ADAMTS20: variants seen among roughly 807,000 people sequenced by gnomAD.
ADAMTS20 encodes ADAM metallopeptidase with thrombospondin type 1 motif 20.
Under a neutral mutation model 260.1 loss-of-function variants are expected in ADAMTS20, and 225 were observed. The ratio of observed to expected loss-of-function variants is 0.87; its 90% confidence interval spans 0.78 to 0.97. The LOEUF (loss-of-function observed/expected upper bound fraction) is 0.97, where lower values mean the gene tolerates loss of function less well. Ranked by LOEUF, ADAMTS20 falls within the 50% of genes least tolerant of loss-of-function variation. The pLI is 0.00. For missense variants in ADAMTS20, 2,400 were observed against 2,337.7 expected, an observed-to-expected ratio of 1.03 and a Z score of -0.55; for synonymous variants, 802 against 769.5, an observed-to-expected ratio of 1.04 and a Z score of -0.70.
At chr12:43,525,507 C>A (rs1943129252) in intron 3 of ADAMTS20, among the ~76,000 whole-genome samples, 1 of 152,248 alleles carries the variant, frequency 6.6e-6, no homozygotes, top group African/African-American at 2.4e-5. Context: ...ATGAATGGAA[C>A]AGTATCTCAC....
At chr12:43,502,446 G>C in intron 3 of ADAMTS20, 41 bp from the exon 4 acceptor site, 1 of 1,545,834 alleles carries the variant, frequency 6.5e-7, no homozygotes, top group Non-Finnish European at 8.6e-7. Context: ...CCATTAAATT[G>C]GATGTGACGA....
intron 11 of ADAMTS20, 50 bp downstream of exon 11, chr12:43,462,845 C>T (rs1942087273): frequency 1.4e-6 from 2 of 1,449,500 alleles, no homozygotes; most frequent in Non-Finnish European, 1.9e-6. Context: ...AGAGCAATCA[C>T]ATCCTTGGAT....
At chr12:43,394,015 A>T (rs1415029322) in intron 29 of ADAMTS20, among the ~76,000 whole-genome samples, 1 of 152,084 alleles carries the variant, frequency 6.6e-6, no homozygotes, top group Non-Finnish European at 1.5e-5. Context: ...TTTTAAATGT[A>T]GAACAAATAC....
chr12:43,527,365 C>T (rs916418811), intron 3 of ADAMTS20, among the ~76,000 whole-genome samples: 1 of 151,926 alleles, frequency 6.6e-6, no homozygotes, highest in Admixed American at 6.6e-5. Flanking sequence ...ACTCTGATAC[C>T]AAAACCAGGA....
chr12:43,490,120 A>G (rs964476411), intron 7 of ADAMTS20, among the ~76,000 whole-genome samples: 4 of 152,012 alleles, frequency 2.6e-5, no homozygotes, highest in Admixed American at 2.6e-4. Context: ...ATGGCTATTC[A>G]TTTTATTATT....
chr12:43,521,689 A>T (rs1943074152), intron 3 of ADAMTS20, among the ~76,000 whole-genome samples: 1 of 152,166 alleles, frequency 6.6e-6, no homozygotes, highest in African/African-American at 2.4e-5. Flanking sequence ...ATTTTTGATA[A>T]TATCTCTGCT....
intron 7 of ADAMTS20, among the ~76,000 whole-genome samples, chr12:43,473,981 T>G (rs1942307349): frequency 7.1e-6 from 1 of 141,524 alleles, no homozygotes; most frequent in Admixed American, 7.1e-5. Context: ...AAGAAATAAC[T>G]AAAATCAGAG....
intron 7 of ADAMTS20, among the ~76,000 whole-genome samples, chr12:43,477,713 A>G (rs752942781): frequency 2.0e-5 from 3 of 152,116 alleles, no homozygotes; most frequent in Non-Finnish European, 4.4e-5. Context: ...ATATACACAC[A>G]TTCATACTTT....
intron 37 of ADAMTS20, among the ~76,000 whole-genome samples, chr12:43,367,954 C>A (rs138807535): frequency 6.6e-6 from 1 of 152,020 alleles, no homozygotes. Flanking sequence ...TGAGCTGGAA[C>A]CTACTGCCCT....
intron 28 of ADAMTS20, among the ~76,000 whole-genome samples, chr12:43,402,993 A>G (rs1940839577): frequency 6.6e-6 from 1 of 152,142 alleles, no homozygotes; most frequent in African/African-American, 2.4e-5. Context: ...AATTATGTGC[A>G]GACAAATGTC....
intron 4 of ADAMTS20, among the ~76,000 whole-genome samples, chr12:43,498,870 TTTCTC>T (rs1942714101): frequency 6.6e-6 from 1 of 152,176 alleles, no homozygotes; most frequent in Non-Finnish European, 1.5e-5. Flanking sequence ...TTTGTCACCC[TTTCTC>T]TTAAGTTCCC....
At chr12:43,428,044 C>T (rs1941365791) in intron 26 of ADAMTS20, among the ~76,000 whole-genome samples, 197 bp downstream of exon 26, 1 of 152,118 alleles carries the variant, frequency 6.6e-6, no homozygotes, top group African/African-American at 2.4e-5. Flanking sequence ...ATCATAATAA[C>T]ACATTAGTGC....
In ADAMTS20 at chr12:43,551,169, T is replaced by C. The variant is rs1943510373; in HGVS notation, c.193A>G (p.Lys65Glu). 1 of 1,613,982 alleles carries C rather than the reference T, an allele frequency of 6.2e-7. No individual in the cohort carries two copies. The highest frequency in any genetic ancestry group is 8.5e-7 in the Non-Finnish European group (1 of 1,179,886). Residue 65 changes from lysine (K) to glutamate (E), a missense_variant, in exon 2 of 39, where the codon AAA becomes GAA. Physicochemically the swap from Lys to Glu is moderately conservative, Grantham distance 56. Coordinates refer to ENST00000389420, the MANE Select transcript of ADAMTS20 (RefSeq NM_025003.5). This position sits in a 1 kb window ranked among gnomAD's most constrained non-coding sequence, Gnocchi z 4.6. ...GGTTCCAGCGCCTCGGAGCTGCGTT[T>C]CTGCCGGCTGAAGTGGTGGCTCTGA... ...FPQSHHFSRQ[K>E]RSSEALEPMP...
intron 3 of ADAMTS20, among the ~76,000 whole-genome samples, chr12:43,524,526 A>G (rs1370498689): frequency 1.3e-5 from 2 of 151,406 alleles, no homozygotes; most frequent in African/African-American, 4.9e-5. Flanking sequence ...TTGAAATGCC[A>G]GATAAAGAAT....
chr12:43,429,898 T>C (rs1464460141), intron 23 of ADAMTS20, among the ~76,000 whole-genome samples, 174 bp from the exon 24 acceptor site: 2 of 152,208 alleles, frequency 1.3e-5, no homozygotes, highest in Non-Finnish European at 2.9e-5. Flanking sequence ...CAAGTGTCAA[T>C]AGTGGATAAT....
intron 29 of ADAMTS20, among the ~76,000 whole-genome samples, chr12:43,396,120 T>C (rs562845761): frequency 6.6e-6 from 1 of 152,232 alleles, no homozygotes; most frequent in East Asian, 1.9e-4. Context: ...GGATATACAT[T>C]TGAACATAGA....
Position 43,452,302 on chromosome 12 carries a change from T to C in ADAMTS20, c.2051A>G (p.His684Arg), listed in dbSNP as rs1941878299. The C allele has an allele frequency of 6.2e-7, 1 of 1,612,606 alleles. No individual in the cohort carries two copies. Among genetic ancestry groups the C allele is most frequent in the African/African-American group, 1.3e-5 (1 of 75,012 alleles). ...ACACTGGCCTTGAACACAGATGTCA[T>C]GAGTTTCAGTTCCACAAGGAGTACC... is the stretch of plus-strand genomic sequence containing the variant. Reference protein sequence around the residue: ...EDGTPCGTETHDICVQGQCMA... With the variant: ...EDGTPCGTETRDICVQGQCMA... Residue 684 changes from histidine (H) to arginine (R), a missense_variant, in exon 14 of 39, where the codon CAT (histidine) becomes CGT (arginine). Physicochemically the swap from His to Arg is conservative, Grantham distance 29. Transcript: ENST00000389420.
chr12:43,409,329 G>C (rs948073792), intron 28 of ADAMTS20, among the ~76,000 whole-genome samples: 1 of 151,758 alleles, frequency 6.6e-6, no homozygotes, highest in African/African-American at 2.4e-5. Flanking sequence ...TAGGCCAGGC[G>C]CGGTGGCTCA....
intron 7 of ADAMTS20, among the ~76,000 whole-genome samples, chr12:43,485,441 T>C (rs1260851287): frequency 6.6e-6 from 1 of 152,110 alleles, no homozygotes; most frequent in African/African-American, 2.4e-5. Flanking sequence ...AAGCCATATA[T>C]GACAAACCCA....
Sources: gnomAD v4.1 joint callset for allele counts (sites outside exome capture counted in the v4.1 genomes callset) on GRCh38, gnomAD v4.1.1 for gene constraint, Gnocchi (gnomAD v3.1) non-coding constraint, MANE v1.5 for transcripts, NCBI Gene and HGNC (gene_info 2026-07-23, HGNC 2026-07-21) for gene names.